The following GPR180 variants were observed in gnomAD, a reference collection of about 807,000 sequenced individuals.
GPR180 encodes G protein-coupled receptor 180.
GPR180 carries 53 observed loss-of-function variants against 52.6 expected under a neutral mutation model. That is an observed-to-expected ratio of 1.01 (90% confidence interval 0.81 to 1.27). The LOEUF (loss-of-function observed/expected upper bound fraction) is 1.27. Among genes scored for constraint, GPR180 ranks in the 50% most tolerant of loss-of-function variants. GPR180 has a pLI of 0.00. For missense variants in GPR180, 533 were observed against 527.0 expected (o/e 1.01, Z -0.11); for synonymous variants, 200 against 193.1 (o/e 1.04, Z -0.30).
rs528564706 is a variant in GPR180 at position 94,617,398 on chromosome 13, C to T, written c.506-1752C>T. On this transcript the variant is annotated intron_variant, in intron 3 of 8. Coordinates refer to ENST00000376958, the MANE Select transcript of GPR180 (RefSeq NM_180989.6). ...AGCATTTTTATTTTCTGTCTTGTTC[C>T]GGTACTATAATAATCCCAGGATTAT... Among the ~76,000 whole-genome samples, 439 of 152,154 alleles carry T rather than the reference C, an allele frequency of 2.9e-3. 2 individuals are homozygous for T. Among genetic ancestry groups the T allele is most frequent in the African/African-American group, 5.8e-3 (243 of 41,544 alleles).
At chr13:94,621,287 T>C (rs535341447) in intron 6 of GPR180, 52 bp downstream of exon 6, 2 of 1,369,738 alleles carry the variant, frequency 1.5e-6, no homozygotes, top group African/African-American at 1.5e-5. Flanking sequence ...AAATGCAAAC[T>C]TGAGCATACC....
At chr13:94,612,064 A>G (rs1283510896) in intron 2 of GPR180, 126 bp from the exon 3 acceptor site, 4 of 685,492 alleles carry the variant, frequency 5.8e-6, no homozygotes, top group East Asian at 5.2e-5. Flanking sequence ...AATACTACAC[A>G]AGGTCTTGGA....
At position 94,630,887 on chromosome 13, in the gene GPR180, T is replaced by C. The variant is rs929069988; in HGVS notation, c.*3716T>C. The C allele has an allele frequency of 2.0e-5, 3 of 152,230 alleles. No individual in the cohort carries two copies. The highest frequency in any genetic ancestry group is 4.4e-5 in the Non-Finnish European group (3 of 68,058). 9.4% of individuals were successfully genotyped at this position (152,230 alleles called of 1,614,324 possible). On this transcript the variant is annotated 3_prime_UTR_variant, in exon 9 of 9. Coordinates refer to ENST00000376958, the MANE Select transcript of GPR180 (RefSeq NM_180989.6). ...TCTTCCATGCATAATTTCAGGACAA[T>C]GTAGGCCATAAGAAATGTTTGATAC... is the stretch of plus-strand genomic sequence containing the variant.
At position 94,623,184 on chromosome 13, in the gene GPR180, A is replaced by G. The variant is rs984814175; in HGVS notation, c.970A>G (p.Ile324Val). The change falls in exon 7 of 9, where the codon ATC becomes GTC. Residue 324 changes from isoleucine (I) to valine (V), a missense_variant. By Grantham distance (29) the Ile-to-Val change is conservative (BLOSUM62 3). Coordinates refer to ENST00000376958, the MANE Select transcript of GPR180 (RefSeq NM_180989.6). ...CCATTCACACCACAACTTAGCAGGG[A>G]TCCTCCTAATTGTTCTAAGAATTTG... ...SYHSHHNLAG[I>V]LLIVLRICLA... 2 of 1,613,364 alleles carry G rather than the reference A, an allele frequency of 1.2e-6. No individual in the cohort carries two copies. The highest frequency in any genetic ancestry group is 1.7e-6 in the Non-Finnish European group (2 of 1,179,318).
At chr13:94,603,237 A>G (rs1889582955) in intron 1 of GPR180, among the ~76,000 whole-genome samples, 1 of 152,232 alleles carries the variant, frequency 6.6e-6, no homozygotes, top group Non-Finnish European at 1.5e-5. Context: ...TTTCTCATTC[A>G]ACGGACTGTA....
chr13:94,617,185 GAGTCAGAAACTTTATCCTGTA>G (rs1414618922), intron 3 of GPR180, among the ~76,000 whole-genome samples: 2 of 151,904 alleles, frequency 1.3e-5, no homozygotes, highest in Non-Finnish European at 2.9e-5. Flanking sequence ...TAACTTCATG[GAGTCAGAAACTTTATCCTGTA>G]AGTCAGAAAC....
chr13:94,606,029 G>C (rs187224986), intron 2 of GPR180, among the ~76,000 whole-genome samples: 4 of 152,278 alleles, frequency 2.6e-5, no homozygotes, highest in African/African-American at 9.6e-5. Context: ...CAGTGGCTCA[G>C]GCCTGTAATC....
In GPR180 at chr13:94,602,126, T is replaced by TGAGTCCGCCGGCC. The variant is rs1889563832; in HGVS notation, c.145+56_145+68dup. On this transcript the variant is annotated intron_variant, in intron 1 of 8. Coordinates refer to ENST00000376958, the MANE Select transcript of GPR180 (RefSeq NM_180989.6). ...AGGCGCGCTGGCCCATCCCGCCGGC[T>TGAGTCCGCCGGCC]GAGTCCGCCGGCCGCTCCTCCCGGC... is the stretch of plus-strand genomic sequence containing the variant. 4.7e-6 allele frequency: 6 copies of TGAGTCCGCCGGCC among 1,265,914 alleles called. No homozygotes were observed. In the South Asian group the frequency reaches 1.6e-4, roughly 33 times the overall value. 78.4% of individuals were successfully genotyped at this position (1,265,914 alleles called of 1,614,324 possible). A position where few individuals can be genotyped will look rare whatever the true frequency, so the allele number is the denominator to read the frequency against.
chr13:94,631,624 T>A lies in GPR180; in HGVS notation c.*4453T>A, dbSNP rs550699491. The A allele has an allele frequency of 2.7e-5, 4 of 147,406 alleles. No individual in the cohort carries two copies. Among genetic ancestry groups the A allele is most frequent in the African/African-American group, 1.0e-4 (4 of 39,624 alleles). 9.1% of individuals were successfully genotyped at this position (147,406 alleles called of 1,614,324 possible). ...TACTAGGACACTCCCTGGTGCATAC[T>A]AGATGCTCAAAAATATTTTTGAGTG... On this transcript the variant is annotated 3_prime_UTR_variant, in exon 9 of 9. Coordinates refer to ENST00000376958, the MANE Select transcript of GPR180 (RefSeq NM_180989.6).
At position 94,627,558 on chromosome 13, in the gene GPR180, T is replaced by C. The variant is rs1323031012; in HGVS notation, c.*387T>C. The C allele has an allele frequency of 5.3e-6, 1 of 187,624 alleles. No homozygotes were observed. Among genetic ancestry groups the C allele is most frequent in the African/African-American group, 2.4e-5 (1 of 41,840 alleles). The allele number at this position is 187,624 out of a possible 1,614,324, so 11.6% of individuals were successfully genotyped here. Reference sequence around the variant, plus strand: ...TTAAATGATTACTTGCTTATAAATATCTAAACTAGTCCAGTTATGAAATCA... The same window carrying C: ...TTAAATGATTACTTGCTTATAAATACCTAAACTAGTCCAGTTATGAAATCA... On this transcript the variant is annotated 3_prime_UTR_variant, in exon 9 of 9. Coordinates refer to ENST00000376958, the MANE Select transcript of GPR180 (RefSeq NM_180989.6).
In GPR180 at chr13:94,627,113, C is replaced by T. The variant is rs1165345786; in HGVS notation, c.1265C>T (p.Ser422Phe). 14 of 1,613,052 alleles carry T rather than the reference C, an allele frequency of 8.7e-6. No individual in the cohort carries two copies. The highest frequency in any genetic ancestry group is 1.2e-5 in the Non-Finnish European group (14 of 1,179,444). Residue 422 changes from serine to phenylalanine, a missense_variant, in exon 9 of 9, where the codon TCT becomes TTT. By Grantham distance (155) the Ser-to-Phe change is radical. Coordinates refer to ENST00000376958, the MANE Select transcript of GPR180 (RefSeq NM_180989.6). ...HSLYWEVSSL[S>F]SVTLPLTISS... Reference sequence around the variant, plus strand: ...CTATACTGGGAAGTTTCTTCACTTTCTTCAGTAACACTACCACTGACCATA... The same window carrying T: ...CTATACTGGGAAGTTTCTTCACTTTTTTCAGTAACACTACCACTGACCATA...
chr13:94,621,057 T>C (rs1180593775), intron 5 of GPR180, 21 bp from the exon 6 acceptor site: 1 of 1,584,098 alleles, frequency 6.3e-7, no homozygotes, highest in Admixed American at 1.9e-5. Context: ...TTGGTTGACG[T>C]TGGTTTTCAT....
At chr13:94,610,181 G>T (rs1270480578) in intron 2 of GPR180, among the ~76,000 whole-genome samples, 2 of 152,138 alleles carry the variant, frequency 1.3e-5, no homozygotes, top group Non-Finnish European at 2.9e-5. Context: ...TAAGAGTAAA[G>T]AAATTCATCT....
At chr13:94,612,145 C>A (rs1176424881) in intron 2 of GPR180, 45 bp from the exon 3 acceptor site, 1 of 1,455,782 alleles carries the variant, frequency 6.9e-7, no homozygotes, top group Admixed American at 1.7e-5. Flanking sequence ...CAGTGAAACA[C>A]ATTTGAGAAT....
At chr13:94,612,169 G>T (rs200692489) in intron 2 of GPR180, 21 bp from the exon 3 acceptor site, 1 of 1,587,070 alleles carries the variant, frequency 6.3e-7, no homozygotes, top group Non-Finnish European at 8.6e-7. Flanking sequence ...GTTACAAAAG[G>T]TGTTTTCTTT....
chr13:94,626,686 C>T (rs1889932828), intron 8 of GPR180, among the ~76,000 whole-genome samples: 1 of 152,094 alleles, frequency 6.6e-6, no homozygotes, highest in African/African-American at 2.4e-5. Flanking sequence ...TGCTTTATTC[C>T]TGTTCCTAAA....
In GPR180 at chr13:94,623,271, A is replaced by G. The variant is rs755783133; in HGVS notation, c.1057A>G (p.Lys353Glu). The G allele has an allele frequency of 6.2e-7, 1 of 1,613,352 alleles. No individual in the cohort carries two copies. Among genetic ancestry groups the G allele is most frequent in the Non-Finnish European group, 8.5e-7 (1 of 1,179,630 alleles). The part of the protein sequence containing the change: ...QIITVERSTL[K>E]REFYITFAKG... Reference sequence around the variant, plus strand: ...CATCACAGTGGAGAGAAGTACACTCAAAAGGGAGTTCTACATCACATTTGC... The same window carrying G: ...CATCACAGTGGAGAGAAGTACACTCGAAAGGGAGTTCTACATCACATTTGC... Residue 353 changes from lysine to glutamate, a missense_variant, in exon 7 of 9, where the codon AAA (lysine) becomes GAA (glutamate). Coordinates refer to ENST00000376958, the MANE Select transcript of GPR180 (RefSeq NM_180989.6).
chr13:94,604,448 G>A (rs1889603856), intron 1 of GPR180, among the ~76,000 whole-genome samples: 1 of 152,074 alleles, frequency 6.6e-6, no homozygotes, highest in Admixed American at 6.5e-5. Context: ...GGAGGCGCAT[G>A]CCTGTAATCC....
At chr13:94,616,839 T>C (rs1190639933) in intron 3 of GPR180, among the ~76,000 whole-genome samples, 1 of 152,180 alleles carries the variant, frequency 6.6e-6, no homozygotes, top group Non-Finnish European at 1.5e-5. Flanking sequence ...GAAAACAGAC[T>C]TTTTTAAAGA....
Sources: allele counts gnomAD v4.1 joint callset (sites outside exome capture counted in the v4.1 genomes callset), GRCh38; gene constraint gnomAD v4.1.1; transcripts MANE v1.5; gene names NCBI Gene and HGNC (gene_info 2026-07-23, HGNC 2026-07-21).